Variants in ZNF277 observed in about 807,000 individuals in gnomAD.
ZNF277 encodes zinc finger protein 277.
In ZNF277, 55 loss-of-function variants were observed where a neutral mutation model predicts 60.7. The observed-to-expected ratio is 0.91, with a 90% CI of 0.73 to 1.13. The LOEUF (loss-of-function observed/expected upper bound fraction) is 1.13, where lower values mean the gene tolerates loss of function less well. Ranked by LOEUF, ZNF277 falls within the 50% of genes most tolerant of loss-of-function variation. ZNF277 has a pLI of 0.00. For missense variants in ZNF277, 510 were observed against 523.0 expected, an observed-to-expected ratio of 0.98 and a Z score of 0.24; for synonymous variants, 178 against 179.3, an observed-to-expected ratio of 0.99 and a Z score of 0.06.
intron 1 of ZNF277, among the ~76,000 whole-genome samples, chr7:112,253,714 TC>T (rs1563205029): frequency 1.3e-5 from 2 of 152,144 alleles, no homozygotes; most frequent in Non-Finnish European, 2.9e-5. Context: ...TCTCATCCTT[TC>T]AAAAAGATGT....
intron 4 of ZNF277, among the ~76,000 whole-genome samples, chr7:112,312,410 A>G (rs1792751442): frequency 6.6e-6 from 1 of 152,074 alleles, no homozygotes; most frequent in Non-Finnish European, 1.5e-5. Context: ...TTATCTGGAC[A>G]CTACAAGCTA....
chr7:112,294,121 G>C (rs576967054), intron 2 of ZNF277, among the ~76,000 whole-genome samples: 5 of 152,174 alleles, frequency 3.3e-5, no homozygotes, highest in African/African-American at 1.2e-4. Context: ...GGGAGAATAA[G>C]AAAAGGACTA....
intron 1 of ZNF277, among the ~76,000 whole-genome samples, chr7:112,263,982 A>G (rs1405059506): frequency 6.6e-6 from 1 of 152,138 alleles, no homozygotes; most frequent in African/African-American, 2.4e-5. Context: ...ACCTCTGGAA[A>G]CACAGATTTC....
chr7:112,286,868 T>TTTTTTTTTTTTTC lies in ZNF277; in HGVS notation c.92-5_92-4insTTTTTTTTTTTTC. The stretch of plus-strand genomic sequence containing the variant: ...TTTTTTTTTTTTTTTTTTGGTCTAT[T>TTTTTTTTTTTTTC]CCAGACAGTAAGGATTGTATCCTGG... On this transcript the variant is annotated splice_polypyrimidine_tract_variant and splice_region_variant and intron_variant, in intron 1 of 11. Transcript: ENST00000361822. The TTTTTTTTTTTTTC allele has an allele frequency of 6.6e-7, 1 of 1,508,534 alleles. No individual in the cohort carries two copies. Among genetic ancestry groups the TTTTTTTTTTTTTC allele is most frequent in the African/African-American group, 1.6e-5 (1 of 63,052 alleles). The allele number at this position is 1,508,534 out of a possible 1,614,324, so 93.4% of individuals were successfully genotyped here. A position where few individuals can be genotyped will look rare whatever the true frequency, so the allele number is the denominator to read the frequency against.
chr7:112,269,210 GTTT>G (rs55937027), intron 1 of ZNF277, among the ~76,000 whole-genome samples: 5 of 146,322 alleles, frequency 3.4e-5, no homozygotes, highest in South Asian at 4.2e-4. Flanking sequence ...GATTTTTTTT[GTTT>G]TTTTTTTGTT....
rs140921884 is a variant in ZNF277, at chr7:112,265,321, T to C, written c.92-21552T>C. Among the ~76,000 whole-genome samples the C allele has an allele frequency of 2.3e-3, 353 of 152,264 alleles. 1 individual carries two copies. The highest frequency in any genetic ancestry group is 8.0e-3 in the African/African-American group (332 of 41,548). On this transcript the variant is annotated intron_variant, in intron 1 of 11. Coordinates refer to ENST00000361822, the MANE Select transcript of ZNF277 (RefSeq NM_021994.3). ...ATTCATTGCCCTAATTTGAATATCA[T>C]TGTGTCTCAGGGAATTGGGAGGAGA...
At chr7:112,257,416 A>T (rs1791341300) in intron 1 of ZNF277, among the ~76,000 whole-genome samples, 1 of 152,188 alleles carries the variant, frequency 6.6e-6, no homozygotes, top group Non-Finnish European at 1.5e-5. Flanking sequence ...AATGGGTGCT[A>T]GAGAGAACTG....
intron 8 of ZNF277, among the ~76,000 whole-genome samples, chr7:112,337,095 C>G (rs764002469): frequency 3.1e-4 from 47 of 152,144 alleles, no homozygotes; most frequent in Non-Finnish European, 2.9e-4. Flanking sequence ...TTCCTTGTCT[C>G]CACAACTCTT....
chr7:112,342,507 T>C, intron 11 of ZNF277, 54 bp from the exon 12 acceptor site: 1 of 1,390,016 alleles, frequency 7.2e-7, no homozygotes, highest in South Asian at 1.7e-5. Flanking sequence ...TTCAGCTACC[T>C]GGACACTGTA....
chr7:112,290,682 C>T (rs1055633914), intron 2 of ZNF277, among the ~76,000 whole-genome samples: 2 of 152,114 alleles, frequency 1.3e-5, no homozygotes, highest in African/African-American at 4.8e-5. Context: ...TCTGAGTAAA[C>T]TCTGTTGCTT....
chr7:112,286,863 T>G lies in ZNF277; in HGVS notation c.92-10T>G. 6.7e-7 allele frequency: 1 copy of G among 1,490,396 alleles called. No individual in the cohort carries two copies. Among genetic ancestry groups the G allele is most frequent in the South Asian group, 1.3e-5 (1 of 77,854 alleles). The allele number at this position is 1,490,396 out of a possible 1,614,324, so 92.3% of individuals were successfully genotyped here. A position where few individuals can be genotyped will look rare whatever the true frequency, so the allele number is the denominator to read the frequency against. On this transcript the variant is annotated splice_polypyrimidine_tract_variant and intron_variant, in intron 1 of 11. Transcript: ENST00000361822. Reference sequence around the variant, plus strand: ...TTTCTTTTTTTTTTTTTTTTTTTGGTCTATTCCAGACAGTAAGGATTGTAT... The same window carrying G: ...TTTCTTTTTTTTTTTTTTTTTTTGGGCTATTCCAGACAGTAAGGATTGTAT...
At chr7:112,267,449 T>C (rs998791397) in intron 1 of ZNF277, among the ~76,000 whole-genome samples, 7 of 152,198 alleles carry the variant, frequency 4.6e-5, no homozygotes, top group Non-Finnish European at 1.0e-4. Context: ...TACTGAAAAT[T>C]ATCACGTTCT....
At chr7:112,304,809 T>G (rs1185817522) in intron 4 of ZNF277, among the ~76,000 whole-genome samples, 1 of 152,174 alleles carries the variant, frequency 6.6e-6, no homozygotes. Context: ...TGAAAACTCT[T>G]TCAGTAACTT....
intron 1 of ZNF277, among the ~76,000 whole-genome samples, chr7:112,215,169 A>T (rs1821848183): frequency 6.6e-6 from 1 of 152,204 alleles, no homozygotes; most frequent in South Asian, 2.1e-4. Flanking sequence ...AAGCTGTATG[A>T]CCTTCAGCAA....
At chr7:112,261,673 A>G (rs549398764) in intron 1 of ZNF277, among the ~76,000 whole-genome samples, 1 of 152,228 alleles carries the variant, frequency 6.6e-6, no homozygotes, top group South Asian at 2.1e-4. Context: ...TTTATGATCC[A>G]TTTAGGAGTG....
intron 4 of ZNF277, among the ~76,000 whole-genome samples, chr7:112,297,402 ATATGT>A (rs1252491810): frequency 2.0e-5 from 3 of 152,124 alleles, no homozygotes; most frequent in East Asian, 1.9e-4. Context: ...ACTTAGCTAA[ATATGT>A]TATAAGAGAG....
intron 8 of ZNF277, 32 bp downstream of exon 8, chr7:112,336,203 AGTGT>A (rs1363729157): frequency 6.3e-7 from 1 of 1,576,758 alleles, no homozygotes; most frequent in Non-Finnish European, 8.7e-7. Context: ...AATTAATTGC[AGTGT>A]TCCAAGAGTA....
chr7:112,285,560 G>A (rs545326779), intron 1 of ZNF277, among the ~76,000 whole-genome samples: 76 of 150,360 alleles, frequency 5.1e-4, no homozygotes, highest in Middle Eastern at 3.5e-3. Context: ...TCAGCCTCCC[G>A]AGTAGTTGGG....
chr7:112,244,651 A>G (rs557420525), intron 1 of ZNF277, among the ~76,000 whole-genome samples: 3 of 152,282 alleles, frequency 2.0e-5, no homozygotes, highest in Admixed American at 6.5e-5. Flanking sequence ...TTTTCTTTTA[A>G]GTATCATATA....
Sources: gnomAD v4.1 joint callset for allele counts (sites outside exome capture counted in the v4.1 genomes callset) on GRCh38, gnomAD v4.1.1 for gene constraint, MANE v1.5 for transcripts, NCBI Gene and HGNC (gene_info 2026-07-23, HGNC 2026-07-21) for gene names.